The following STK32B variants were observed in gnomAD, a reference collection of about 807,000 sequenced individuals.
The protein encoded by STK32B is serine/threonine-protein kinase 32B.
STK32B carries 43 observed loss-of-function variants against 52.6 expected under a neutral mutation model. The ratio of observed to expected loss-of-function variants is 0.82; its 90% CI spans 0.64 to 1.05. The LOEUF is 1.05. Ranked by LOEUF, STK32B falls within the 50% of genes least tolerant of loss-of-function variation. The pLI, the probability that STK32B is intolerant of heterozygous loss-of-function variation, is 0.00. For missense variants in STK32B, 621 were observed against 534.6 expected, an observed-to-expected ratio of 1.16 and a Z score of -1.59; for synonymous variants, 238 against 204.3, an observed-to-expected ratio of 1.17 and a Z score of -1.41.
At position 5,496,754 on chromosome 4, in the gene STK32B, C is replaced by T. The variant is rs372898186; in HGVS notation, c.1107-2191C>T. 2.2e-4 allele frequency among the ~76,000 whole-genome samples: 34 copies of T among 151,690 alleles called. No homozygotes were observed. The South Asian group carries it at 6.7e-3, about 30-fold the overall frequency. On this transcript the variant is annotated intron_variant, in intron 11 of 11. Coordinates refer to ENST00000282908, the MANE Select transcript of STK32B (RefSeq NM_018401.3). ...CCTTGAAGATCAAAATGTTGCCGTT[C>T]CTTTTCAGTATGAAGAGAATGTCTT...
At chr4:5,064,462 CATATA>C (rs1289374930) in intron 1 of STK32B, among the ~76,000 whole-genome samples, 6 of 82,618 alleles carry the variant, frequency 7.3e-5, no homozygotes, top group African/African-American at 2.5e-4. Flanking sequence ...TACTTATATA[CATATA>C]ATATATAAAT....
At chr4:5,248,382 C>T (rs1725617861) in intron 3 of STK32B, among the ~76,000 whole-genome samples, 1 of 152,138 alleles carries the variant, frequency 6.6e-6, no homozygotes, top group Non-Finnish European at 1.5e-5. Flanking sequence ...AAGAAAGGGA[C>T]CTGAAGACAT....
At chr4:5,197,511 G>A (rs1721779530) in intron 3 of STK32B, among the ~76,000 whole-genome samples, 1 of 152,142 alleles carries the variant, frequency 6.6e-6, no homozygotes, top group African/African-American at 2.4e-5. Flanking sequence ...TCACCATTGG[G>A]AATTATCTTT....
At chr4:5,322,301 C>A (rs1366012616) in intron 3 of STK32B, among the ~76,000 whole-genome samples, 1 of 152,158 alleles carries the variant, frequency 6.6e-6, no homozygotes, top group African/African-American at 2.4e-5. Flanking sequence ...TGTTGGATTT[C>A]TGTAGCGTGT....
intron 3 of STK32B, among the ~76,000 whole-genome samples, chr4:5,259,211 T>C (rs1726543113): frequency 6.6e-6 from 1 of 152,270 alleles, no homozygotes; most frequent in Non-Finnish European, 1.5e-5. Context: ...TTTATATTTA[T>C]GTTTACCTTT....
At position 5,386,242 on chromosome 4, in the gene STK32B, T is replaced by A. The variant is rs1736250002; in HGVS notation, c.435-11965T>A. Reference sequence around the variant, plus strand: ...GCGTATCATATTATGCAGTTTTATCTTTGACTGTCTCTTGTTTTCTTAGCT... The same window carrying A: ...GCGTATCATATTATGCAGTTTTATCATTGACTGTCTCTTGTTTTCTTAGCT... On this transcript the variant is annotated intron_variant, in intron 4 of 11. Transcript: ENST00000282908. This position sits in a 1 kb window ranked among gnomAD's most constrained non-coding sequence, Gnocchi z 4.5. Among the ~76,000 whole-genome samples, 1 of 152,114 alleles carries A rather than the reference T, an allele frequency of 6.6e-6. No individual in the cohort carries two copies. Among genetic ancestry groups the A allele is most frequent in the African/African-American group, 2.4e-5 (1 of 41,410 alleles).
chr4:5,218,532 G>T (rs1296655192), intron 3 of STK32B, among the ~76,000 whole-genome samples: 7 of 152,190 alleles, frequency 4.6e-5, no homozygotes, highest in Admixed American at 3.9e-4. Context: ...AGCCTGAAAG[G>T]GGGAGGACAT....
intron 3 of STK32B, among the ~76,000 whole-genome samples, chr4:5,312,245 C>A (rs900001673): frequency 7.0e-6 from 1 of 141,862 alleles, no homozygotes; most frequent in African/African-American, 3.0e-5. Context: ...ATGGTTTTAC[C>A]GCTTACGTTT....
intron 3 of STK32B, among the ~76,000 whole-genome samples, chr4:5,320,727 C>G (rs56963964): frequency 0.047 from 7,115 of 152,204 alleles, 218 homozygotes; most frequent in African/African-American, 0.087. Context: ...ACATCATTAA[C>G]TATATTTAGT....
chr4:5,319,610 T>C (rs910202132), intron 3 of STK32B, among the ~76,000 whole-genome samples: 8 of 152,162 alleles, frequency 5.3e-5, no homozygotes, highest in African/African-American at 1.9e-4. Context: ...TCACCACTCC[T>C]CTCAGCCTTT....
chr4:5,377,860 C>T (rs1735682268), intron 4 of STK32B, among the ~76,000 whole-genome samples: 1 of 152,188 alleles, frequency 6.6e-6, no homozygotes. Flanking sequence ...GTCAATTAAA[C>T]CTCTCTTCTT....
chr4:5,240,219 A>G (rs1161275079), intron 3 of STK32B, among the ~76,000 whole-genome samples: 1 of 151,786 alleles, frequency 6.6e-6, no homozygotes, highest in Non-Finnish European at 1.5e-5. Flanking sequence ...CTTCTGTAGT[A>G]TTCTGTCATC....
At chr4:5,343,759 A>T (rs1733260839) in intron 4 of STK32B, among the ~76,000 whole-genome samples, 1 of 152,210 alleles carries the variant, frequency 6.6e-6, no homozygotes, top group African/African-American at 2.4e-5. Flanking sequence ...ACAGCAAAAG[A>T]AACTATCATT....
chr4:5,038,102 G>T, the STK32B span, among the ~76,000 whole-genome samples: 1 of 152,098 alleles, frequency 6.6e-6, no homozygotes, highest in African/African-American at 2.4e-5. Flanking sequence ...TTTCAGTATT[G>T]GAAAAATGCT....
chr4:5,491,308 T>G (rs930557776), intron 11 of STK32B, among the ~76,000 whole-genome samples: 28 of 152,212 alleles, frequency 1.8e-4, no homozygotes, highest in Non-Finnish European at 2.6e-4. Context: ...TGGTTTTGAT[T>G]TGCATTTCTC....
At chr4:5,476,069 A>ATT (rs535127320) in intron 11 of STK32B, among the ~76,000 whole-genome samples, 2 of 147,538 alleles carry the variant, frequency 1.4e-5, no homozygotes, top group African/African-American at 5.0e-5. Flanking sequence ...TAATTTTTGT[A>ATT]TTTTTTTTTT....
intron 4 of STK32B, among the ~76,000 whole-genome samples, chr4:5,365,607 C>T (rs1417414626): frequency 6.6e-6 from 1 of 152,162 alleles, no homozygotes; most frequent in African/African-American, 2.4e-5. Context: ...GGAGAGGAAA[C>T]TTTCATGTTT....
At chr4:5,422,156 G>C (rs1712698934) in intron 6 of STK32B, among the ~76,000 whole-genome samples, 2 of 152,200 alleles carry the variant, frequency 1.3e-5, no homozygotes, top group African/African-American at 4.8e-5. Context: ...AGGCTTTAGA[G>C]GACACAGCTG....
chr4:5,300,302 A>G (rs1445845968), intron 3 of STK32B, among the ~76,000 whole-genome samples: 2 of 152,232 alleles, frequency 1.3e-5, no homozygotes, highest in Non-Finnish European at 2.9e-5. Context: ...GGAGCAGTCT[A>G]TGACAAATCT....
Sources: allele counts gnomAD v4.1 joint callset (sites outside exome capture counted in the v4.1 genomes callset), GRCh38; gene constraint gnomAD v4.1.1; non-coding constraint Gnocchi (gnomAD v3.1); transcripts MANE v1.5; gene names NCBI Gene and HGNC (gene_info 2026-07-23, HGNC 2026-07-21).